Variants in PTGER3 observed in about 807,000 individuals in gnomAD.
PTGER3 encodes prostaglandin E2 receptor EP3 subtype.
Under a neutral mutation model 34.7 loss-of-function variants are expected in PTGER3, and 22 were observed. That is an observed-to-expected ratio of 0.63 (90% confidence interval 0.45 to 0.91). PTGER3 has a LOEUF of 0.91. PTGER3 is among the 40% of genes least tolerant of loss of function. The probability of loss-of-function intolerance (pLI) is 0.00; values close to 1 mark genes in which losing one functional copy is unlikely to be tolerated. For synonymous variants in PTGER3, 241 were observed against 230.1 expected (o/e 1.05, Z -0.43); for missense variants, 468 against 519.4 (o/e 0.90, Z 0.96).
chr1:71,014,963 A>G (rs1156322993), intron 1 of PTGER3, among the ~76,000 whole-genome samples: 1 of 152,188 alleles, frequency 6.6e-6, no homozygotes, highest in Non-Finnish European at 1.5e-5. Context: ...AAAGCCCTCT[A>G]CAGTACTGTC....
At chr1:70,968,239 A>G (rs972770663), downstream of PTGER3, among the ~76,000 whole-genome samples, 3 of 152,212 alleles carry the variant, frequency 2.0e-5, no homozygotes, top group African/African-American at 7.2e-5. Flanking sequence ...AGTACGTGGA[A>G]TATATTATAT....
intron 1 of PTGER3, among the ~76,000 whole-genome samples, chr1:71,020,003 T>C (rs1658255660): frequency 6.6e-6 from 1 of 152,184 alleles, no homozygotes; most frequent in African/African-American, 2.4e-5. Flanking sequence ...TACTGGAAAT[T>C]CCCCCCTATA....
chr1:70,949,443 G>A (rs575881921), downstream of PTGER3, among the ~76,000 whole-genome samples: 1 of 152,260 alleles, frequency 6.6e-6, no homozygotes, highest in South Asian at 2.1e-4. Context: ...CCAGACAGAA[G>A]GAGTAGCAAG....
chr1:71,015,691 C>T (rs1214222302), intron 1 of PTGER3, among the ~76,000 whole-genome samples: 1 of 152,094 alleles, frequency 6.6e-6, no homozygotes, highest in Non-Finnish European at 1.5e-5. Context: ...CTCATGTATA[C>T]TCAATTTTAT....
intron 4 of PTGER3, among the ~76,000 whole-genome samples, chr1:70,889,868 C>CTT (rs200848374): frequency 1.2e-4 from 17 of 144,180 alleles, no homozygotes; most frequent in South Asian, 6.6e-4. Context: ...GGACAGTTTA[C>CTT]TTTTTTTTTT....
At chr1:70,897,952 C>G (rs1306802374) in intron 4 of PTGER3, among the ~76,000 whole-genome samples, 1 of 152,014 alleles carries the variant, frequency 6.6e-6, no homozygotes, top group Non-Finnish European at 1.5e-5. Context: ...ACTACTTAAT[C>G]TATTTGAACA....
chr1:70,972,509 A>G (rs554419013), intron 3 of PTGER3, among the ~76,000 whole-genome samples: 5 of 151,992 alleles, frequency 3.3e-5, no homozygotes, highest in Non-Finnish European at 7.4e-5. Flanking sequence ...TACTTATTCC[A>G]TAAATTCTCC....
chr1:71,025,286 C>T (rs556316729), intron 1 of PTGER3, among the ~76,000 whole-genome samples: 21 of 151,946 alleles, frequency 1.4e-4, no homozygotes, highest in Admixed American at 3.9e-4. Context: ...TTAAGTGGAA[C>T]GTTCTGGTGT....
chr1:71,031,041 A>G (rs1057228274), intron 1 of PTGER3, among the ~76,000 whole-genome samples: 2 of 152,214 alleles, frequency 1.3e-5, no homozygotes, highest in African/African-American at 4.8e-5. Flanking sequence ...TTGCAACTGA[A>G]ACATGGGAAT....
At chr1:71,005,526 G>A (rs1656875810) in intron 2 of PTGER3, among the ~76,000 whole-genome samples, 1 of 152,090 alleles carries the variant, frequency 6.6e-6, no homozygotes, top group Middle Eastern at 3.2e-3. Context: ...ATTATTTCCT[G>A]TTCCCCTACC....
In PTGER3 at chr1:70,974,109, T is replaced by C. The variant is rs13306015; in HGVS notation, c.1169+188A>G. On this transcript the variant is annotated intron_variant, in intron 3 of 3. Transcript: ENST00000306666. ...CAAGCCAGTTTCAAAAAACTCTTGG[T>C]TGGAGGAAACTTAAGTAAAGTTAAA... Among the ~76,000 whole-genome samples the C allele has an allele frequency of 2.8e-4, 43 of 152,264 alleles. 1 individual carries two copies. The East Asian group carries it at 8.1e-3, about 29-fold the overall frequency.
At chr1:71,041,042 T>C (rs145923052) in intron 1 of PTGER3, among the ~76,000 whole-genome samples, 2 of 152,204 alleles carry the variant, frequency 1.3e-5, no homozygotes, top group Non-Finnish European at 2.9e-5. Flanking sequence ...ATCTCAGTCA[T>C]ATGCTGCCCA....
rs1051617335 is a variant in PTGER3, at chr1:71,008,281, G to C, written c.1077+4024C>G. On this transcript the variant is annotated intron_variant, in intron 2 of 3. Transcript: ENST00000306666. ...GAAAATAAGATAATTTTTATTCTCA[G>C]TAAAGAAAATGTGTGACATAAATAA... The C allele has an allele frequency of 1.1e-5, 10 of 903,090 alleles. No homozygotes were observed. In the African/African-American group the frequency reaches 1.8e-4, roughly 16 times the overall value. 55.9% of individuals were successfully genotyped at this position (903,090 alleles called of 1,614,324 possible). A position where few individuals can be genotyped will look rare whatever the true frequency, so the allele number is the denominator to read the frequency against.
intron 4 of PTGER3, among the ~76,000 whole-genome samples, chr1:70,943,664 A>G (rs893784916): frequency 2.0e-5 from 3 of 152,118 alleles, no homozygotes; most frequent in Non-Finnish European, 4.4e-5. Flanking sequence ...GTCACTAGAT[A>G]CAAGTTTAAC....
At position 70,984,273 on chromosome 1, in the gene PTGER3, G is replaced by C. The variant is rs1654687789; in HGVS notation, c.1078-9885C>G. 1.3e-5 allele frequency among the ~76,000 whole-genome samples: 2 copies of C among 151,668 alleles called. 1 individual carries two copies. Among genetic ancestry groups the C allele is most frequent in the South Asian group, 4.2e-4 (2 of 4,804 alleles). ...GTGGTGGCACACACCTGTAATCCCA[G>C]CTACTTGGAAGGCTGAGGCACAAGA... On this transcript the variant is annotated intron_variant, in intron 2 of 3. Transcript: ENST00000306666.
intron 2 of PTGER3, among the ~76,000 whole-genome samples, chr1:70,956,311 C>T (rs1651328322): frequency 6.6e-6 from 1 of 151,912 alleles, no homozygotes; most frequent in African/African-American, 2.4e-5. Flanking sequence ...CAAATACCAC[C>T]GTAACTGGGA....
At chr1:70,973,436 T>C (rs924676495) in intron 3 of PTGER3, among the ~76,000 whole-genome samples, 1 of 152,064 alleles carries the variant, frequency 6.6e-6, no homozygotes, top group African/African-American at 2.4e-5. Flanking sequence ...AACACATTCA[T>C]CTCTTCCTCT....
chr1:70,911,759 C>T (rs1038932491), intron 4 of PTGER3, among the ~76,000 whole-genome samples: 1 of 152,092 alleles, frequency 6.6e-6, no homozygotes, highest in African/African-American at 2.4e-5. Context: ...AATCGTGTTA[C>T]AACGTAACTC....
intron 2 of PTGER3, among the ~76,000 whole-genome samples, chr1:70,985,183 C>T (rs537146616): frequency 3.9e-5 from 6 of 152,174 alleles, no homozygotes; most frequent in South Asian, 2.1e-4. Context: ...AATCCAGAAG[C>T]GGGAGAAAGA....
Sources: allele counts gnomAD v4.1 joint callset (sites outside exome capture counted in the v4.1 genomes callset), GRCh38; gene constraint gnomAD v4.1.1; transcripts MANE v1.5; gene names NCBI Gene and HGNC (gene_info 2026-07-23, HGNC 2026-07-21).